Variants in SLC17A6 observed in about 807,000 individuals in gnomAD.
The protein encoded by SLC17A6 is solute carrier family 17 member 6, also known as vesicular glutamate transporter 2.
A neutral mutation model predicts 67.1 loss-of-function variants in SLC17A6; 35 were observed. The ratio of observed to expected loss-of-function variants is 0.52; its 90% CI spans 0.40 to 0.69. The LOEUF (loss-of-function observed/expected upper bound fraction) is 0.69, where lower values mean the gene tolerates loss of function less well. Among genes scored for constraint, SLC17A6 ranks in the 30% least tolerant of loss-of-function variants. The probability of loss-of-function intolerance (pLI) is 0.00; values close to 1 mark genes in which losing one functional copy is unlikely to be tolerated. For synonymous variants in SLC17A6, 285 were observed against 252.3 expected (o/e 1.13, Z -1.23); for missense variants, 588 against 723.9 (o/e 0.81, Z 2.15).
Position 22,359,401 on chromosome 11 carries a change from T to C in SLC17A6, c.459-12T>C. The C allele has an allele frequency of 6.5e-7, 1 of 1,538,666 alleles. No individual in the cohort carries two copies. ...AATCATTTAAACAGTGTTCTCATCT[T>C]TTCTATTTCAGGGTTTTCGGAGCTG... On this transcript the variant is annotated splice_polypyrimidine_tract_variant and intron_variant, in intron 3 of 11. Coordinates refer to ENST00000263160, the MANE Select transcript of SLC17A6 (RefSeq NM_020346.3).
intron 7 of SLC17A6, among the ~76,000 whole-genome samples, chr11:22,366,469 TTTAA>T (rs958099303): frequency 8.5e-5 from 13 of 152,298 alleles, no homozygotes; most frequent in African/African-American, 3.1e-4. Flanking sequence ...TATAACATAA[TTTAA>T]TTATTTTATT....
At chr11:22,358,797 T>G (rs1364979014) in intron 3 of SLC17A6, among the ~76,000 whole-genome samples, 1 of 152,212 alleles carries the variant, frequency 6.6e-6, no homozygotes, top group East Asian at 1.9e-4. Context: ...CTGAGAGAGA[T>G]ATACTAAGTA....
chr11:22,360,149 A>G (rs1856034275), intron 4 of SLC17A6, among the ~76,000 whole-genome samples: 1 of 152,172 alleles, frequency 6.6e-6, no homozygotes, highest in South Asian at 2.1e-4. Context: ...TGCAGTCATA[A>G]AAAGGAATGA....
intron 10 of SLC17A6, among the ~76,000 whole-genome samples, chr11:22,376,318 GA>G (rs1856232472): frequency 6.6e-6 from 1 of 151,778 alleles, no homozygotes; most frequent in Non-Finnish European, 1.5e-5. Flanking sequence ...TTGTTGTTAA[GA>G]AAACATTACC....
At chr11:22,345,412 A>C (rs1157062730) in intron 3 of SLC17A6, among the ~76,000 whole-genome samples, 2 of 151,926 alleles carry the variant, frequency 1.3e-5, no homozygotes, top group Non-Finnish European at 2.9e-5. Flanking sequence ...CCTGGGTTCA[A>C]GTGATTCTCC....
At chr11:22,364,314 C>A (rs1590390068) in intron 6 of SLC17A6, among the ~76,000 whole-genome samples, 1 of 152,058 alleles carries the variant, frequency 6.6e-6, no homozygotes, top group Admixed American at 6.6e-5. Flanking sequence ...CAATATCTCT[C>A]ATTTTTTGAA....
chr11:22,366,190 A>G (rs1016506234), intron 7 of SLC17A6, among the ~76,000 whole-genome samples: 1 of 152,180 alleles, frequency 6.6e-6, no homozygotes, highest in Non-Finnish European at 1.5e-5. Flanking sequence ...AATTGGGTAT[A>G]GTAAGTGATT....
In SLC17A6 at chr11:22,377,646, G is replaced by A. The variant is rs1451804884; in HGVS notation, c.1655G>A (p.Gly552Glu). Reference sequence around the variant, plus strand: ...TATGGTGCCACAACACAGGCCAATGGAGGTTGGCCTAGTGGTTGGGAAAAG... The same window carrying A: ...TATGGTGCCACAACACAGGCCAATGAAGGTTGGCCTAGTGGTTGGGAAAAG... ...KSYGATTQAN[G>E]GWPSGWEKKE... Residue 552 changes from glycine (G) to glutamate (E), a missense_variant, in exon 12 of 12, where the codon GGA (glycine) becomes GAA (glutamate). This residue lies in a region of SLC17A6 where 414 missense variants were observed against 563.4 expected (regional missense o/e 0.73). Coordinates refer to ENST00000263160, the MANE Select transcript of SLC17A6 (RefSeq NM_020346.3). The A allele has an allele frequency of 1.2e-6, 2 of 1,613,848 alleles. No individual in the cohort carries two copies. Among genetic ancestry groups the A allele is most frequent in the Non-Finnish European group, 1.7e-6 (2 of 1,179,844 alleles).
At chr11:22,341,327 G>GC (rs1855813085) in intron 1 of SLC17A6, among the ~76,000 whole-genome samples, 1 of 152,160 alleles carries the variant, frequency 6.6e-6, no homozygotes, top group African/African-American at 2.4e-5. Flanking sequence ...CGCCGCCGCC[G>GC]CGGCCAAGGG....
intron 2 of SLC17A6, among the ~76,000 whole-genome samples, chr11:22,342,045 C>T (rs1855821734): frequency 1.3e-5 from 2 of 152,242 alleles, no homozygotes; most frequent in Admixed American, 1.3e-4. Context: ...TGACTTAATA[C>T]AAGACGTTGG....
chr11:22,340,750 C>T (rs1447514), intron 1 of SLC17A6, among the ~76,000 whole-genome samples: 19,101 of 151,826 alleles, frequency 0.13, 1,325 homozygotes, highest in Admixed American at 0.18. Context: ...TTGTCTCCAA[C>T]TCGAGTAATA....
intron 8 of SLC17A6, among the ~76,000 whole-genome samples, chr11:22,371,524 C>T (rs1184491448): frequency 1.3e-5 from 2 of 151,560 alleles, no homozygotes; most frequent in African/African-American, 4.8e-5. Context: ...TACTTCTCAA[C>T]AAAGGCTGCT....
intron 3 of SLC17A6, among the ~76,000 whole-genome samples, chr11:22,358,299 A>G (rs1431632815): frequency 1.3e-5 from 2 of 152,144 alleles, no homozygotes; most frequent in East Asian, 1.9e-4. Context: ...CTTACTTGGT[A>G]TAAACATTAT....
At chr11:22,367,158 A>G (rs1856122681) in intron 7 of SLC17A6, among the ~76,000 whole-genome samples, 1 of 152,048 alleles carries the variant, frequency 6.6e-6, no homozygotes, top group Admixed American at 6.6e-5. Context: ...CCCCTTACAT[A>G]TTATGCATTT....
intron 7 of SLC17A6, among the ~76,000 whole-genome samples, chr11:22,366,941 G>C (rs1227343857): frequency 6.8e-6 from 1 of 146,932 alleles, no homozygotes; most frequent in Non-Finnish European, 1.5e-5. Flanking sequence ...GGGAGGTGGA[G>C]GTTGCAGTGA....
rs771147225 is a variant in SLC17A6, at chr11:22,343,363, C to T, written c.456C>T (p.Asn152=). 14 of 1,609,250 alleles carry T rather than the reference C, an allele frequency of 8.7e-6. No individual in the cohort carries two copies. Among genetic ancestry groups the T allele is most frequent in the Admixed American group, 1.7e-5 (1 of 58,768 alleles). ...GGYIASRLAA[N]RVFGAAILLT... Reference sequence around the variant, plus strand: ...ACATCGCGTCTCGGCTGGCAGCCAACAGGTAATGCGCCAGGCGGGACTGGG... The same window carrying T: ...ACATCGCGTCTCGGCTGGCAGCCAATAGGTAATGCGCCAGGCGGGACTGGG... The change falls in exon 3 of 12, where the codon AAC becomes AAT. Residue 152 remains asparagine, a splice_region_variant and synonymous_variant. Coordinates refer to ENST00000263160, the MANE Select transcript of SLC17A6 (RefSeq NM_020346.3).
Position 22,377,597 on chromosome 11 carries a change from A to G in SLC17A6, c.1606A>G (p.Ile536Val). The change falls in exon 12 of 12, where the codon ATA (isoleucine) becomes GTA (valine). Residue 536 changes from isoleucine (I) to valine (V), a missense_variant. By Grantham distance (29) the Ile-to-Val change is conservative. Coordinates refer to ENST00000263160, the MANE Select transcript of SLC17A6 (RefSeq NM_020346.3). ...AACAGGGGACATTACTCAAAATTAT[A>G]TAAATTATGGTACCACCAAGTCTTA... ...EETGDITQNY[I>V]NYGTTKSYGA... is the part of the protein sequence containing the mutation. 1.2e-6 allele frequency: 2 copies of G among 1,614,170 alleles called. No homozygotes were observed. The highest frequency in any genetic ancestry group is 1.7e-6 in the Non-Finnish European group (2 of 1,180,028).
At chr11:22,342,981 A>G in intron 2 of SLC17A6, 1 of 556,596 alleles carries the variant, frequency 1.8e-6, no homozygotes, top group South Asian at 1.5e-5. Flanking sequence ...TCCTTCATTC[A>G]GATGATTCGA....
At position 22,377,547 on chromosome 11, in the gene SLC17A6, T is replaced by C. The variant is rs1396581635; in HGVS notation, c.1556T>C (p.Ile519Thr). The C allele has an allele frequency of 1.1e-5, 17 of 1,614,050 alleles. No individual in the cohort carries two copies. Among genetic ancestry groups the C allele is most frequent in the Non-Finnish European group, 1.3e-5 (15 of 1,180,018 alleles). ...ACAAGTGAAGAAAAATGTGGATTTA[T>C]TCATGAAGATGAACTCGATGAAGAA... Reference protein sequence around the residue: ...EETSEEKCGFIHEDELDEETG... With the variant: ...EETSEEKCGFTHEDELDEETG... Residue 519 changes from isoleucine to threonine, a missense_variant, in exon 12 of 12, where the codon ATT (isoleucine) becomes ACT (threonine). Ile to Thr is a moderately conservative substitution (Grantham distance 89, BLOSUM62 -1). This residue lies in a region of SLC17A6 where 414 missense variants were observed against 563.4 expected (regional missense o/e 0.73). Transcript: ENST00000263160.
Sources: gnomAD v4.1 joint callset for allele counts (sites outside exome capture counted in the v4.1 genomes callset) on GRCh38, gnomAD v4.1.1 for gene constraint, gnomAD v4.1.1 regional missense constraint, MANE v1.5 for transcripts, NCBI Gene and HGNC (gene_info 2026-07-23, HGNC 2026-07-21) for gene names.